Variants in SLC14A2 observed in about 807,000 individuals in gnomAD.
SLC14A2 encodes urea transporter 2.
SLC14A2 carries 91 observed loss-of-function variants against 104.6 expected under a neutral mutation model. That is an observed-to-expected ratio of 0.87 (90% CI 0.73 to 1.04). SLC14A2 has a LOEUF of 1.04. Among genes scored for constraint, SLC14A2 ranks in the 50% least tolerant of loss-of-function variants. The pLI is 0.00. For synonymous variants in SLC14A2, 476 were observed against 466.4 expected, an observed-to-expected ratio of 1.02 and a Z score of -0.27; for missense variants, 1,189 against 1,156.0, an observed-to-expected ratio of 1.03 and a Z score of -0.41.
At chr18:45,674,255 T>A (rs1331262760) in intron 18 of SLC14A2, among the ~76,000 whole-genome samples, 1 of 152,224 alleles carries the variant, frequency 6.6e-6, no homozygotes, top group Non-Finnish European at 1.5e-5. Flanking sequence ...TATTTCTTGA[T>A]GTTATATGAC....
intron 2 of SLC14A2, chr18:45,528,893 A>G (rs2054617002): frequency 6.6e-6 from 1 of 152,232 alleles, no homozygotes; most frequent in South Asian, 2.1e-4. Context: ...TGTATGGTAA[A>G]CATGGCACTG....
intron 1 of SLC14A2, among the ~76,000 whole-genome samples, chr18:45,279,135 A>ATCT (rs2084735067): frequency 1.3e-5 from 2 of 152,338 alleles, no homozygotes; most frequent in Admixed American, 1.3e-4. Flanking sequence ...CTCAGCAGAC[A>ATCT]ACTACTGACT....
chr18:45,428,419 G>T (rs534451984), intron 1 of SLC14A2, among the ~76,000 whole-genome samples: 2 of 152,280 alleles, frequency 1.3e-5, no homozygotes, highest in East Asian at 3.9e-4. Flanking sequence ...AACCTGTTTT[G>T]CAGGATTGTA....
intron 1 of SLC14A2, among the ~76,000 whole-genome samples, chr18:45,431,053 A>G (rs1372926120): frequency 6.6e-6 from 1 of 152,182 alleles, no homozygotes; most frequent in Non-Finnish European, 1.5e-5. Flanking sequence ...ATCTTATATA[A>G]TCTACTTTAG....
At chr18:45,390,530 G>T (rs532839405) in intron 1 of SLC14A2, among the ~76,000 whole-genome samples, 1 of 152,232 alleles carries the variant, frequency 6.6e-6, no homozygotes, top group African/African-American at 2.4e-5. Context: ...ACCAGATATT[G>T]TTCTGCTAGT....
intron 2 of SLC14A2, among the ~76,000 whole-genome samples, chr18:45,586,425 TG>T (rs1208731282): frequency 2.6e-5 from 4 of 152,250 alleles, no homozygotes; most frequent in Non-Finnish European, 5.9e-5. Flanking sequence ...GCCTTGGCAC[TG>T]ATTGGGATTT....
chr18:45,574,804 A>G lies in SLC14A2; in HGVS notation c.-34-49827A>G, dbSNP rs142409062. Among the ~76,000 whole-genome samples the G allele has an allele frequency of 2.1e-3, 326 of 152,334 alleles. 1 individual carries two copies. The highest frequency in any genetic ancestry group is 3.8e-3 in the Non-Finnish European group (258 of 68,030). ...TAGCAAAGCTGGAGGCCTCTGGCCT[A>G]TACCTCTCCTCTCTTCCCACGCTTG... On this transcript the variant is annotated intron_variant, in intron 2 of 20. Coordinates refer to the SLC14A2 transcript ENST00000586448.
At chr18:45,213,671 A>G (rs2083981789) in intron 1 of SLC14A2, among the ~76,000 whole-genome samples, 2 of 152,318 alleles carry the variant, frequency 1.3e-5, no homozygotes, top group Middle Eastern at 3.4e-3. Flanking sequence ...ACTGGTTTAA[A>G]TCTTATTGAT....
chr18:45,324,255 A>AT (rs2085212829), intron 1 of SLC14A2, among the ~76,000 whole-genome samples: 1 of 152,070 alleles, frequency 6.6e-6, no homozygotes. Context: ...TTCTCCAGGC[A>AT]TTTTTTTAAA....
Position 45,385,284 on chromosome 18 carries a change from C to T in SLC14A2, c.-124-97949C>T, listed in dbSNP as rs552896524. Among the ~76,000 whole-genome samples, 77 of 152,334 alleles carry T rather than the reference C, an allele frequency of 5.1e-4. 1 individual carries two copies. The highest frequency in any genetic ancestry group is 1.7e-3 in the African/African-American group (70 of 41,572). ...TACCAAATTCCCTGCAGGTTGATAA[C>T]GCTTTCGAGTGTGCAGGAATCACAG... On this transcript the variant is annotated intron_variant, in intron 1 of 20. Transcript: ENST00000586448.
rs891448477 is a variant in SLC14A2 at position 45,396,617 on chromosome 18, G to GT, written c.-124-86607dup. On this transcript the variant is annotated intron_variant, in intron 1 of 20. Coordinates refer to the SLC14A2 transcript ENST00000586448. ...TGAATACAGCTTGGGAGTCAACCTG[G>GT]TTTTTTTTTGTTTTTGTTTTTTTTC... 3.5e-4 allele frequency among the ~76,000 whole-genome samples: 48 copies of GT among 135,326 alleles called. 1 individual carries two copies. The South Asian group carries it at 4.8e-3, about 14-fold the overall frequency. 88.8% of individuals were successfully genotyped at this position (135,326 alleles called of 152,430 possible).
chr18:45,643,751 A>G (rs1045010067), intron 9 of SLC14A2, among the ~76,000 whole-genome samples: 1 of 152,114 alleles, frequency 6.6e-6, no homozygotes, highest in African/African-American at 2.4e-5. Context: ...GTCTGGGCTC[A>G]AGTGATCCTC....
chr18:45,288,537 G>A (rs777424113), intron 1 of SLC14A2, among the ~76,000 whole-genome samples: 1 of 152,130 alleles, frequency 6.6e-6, no homozygotes, highest in African/African-American at 2.4e-5. Context: ...TGGGACAAGC[G>A]TGAATATGCT....
At chr18:45,607,044 C>T (rs929550589) in intron 2 of SLC14A2, among the ~76,000 whole-genome samples, 6 of 152,024 alleles carry the variant, frequency 3.9e-5, no homozygotes, top group African/African-American at 9.7e-5. Context: ...TGGAACACTT[C>T]GACTGTTTTA....
At chr18:45,667,809 C>T in intron 13 of SLC14A2, 24 bp from the exon 14 acceptor site, 4 of 1,607,740 alleles carry the variant, frequency 2.5e-6, no homozygotes, top group Non-Finnish European at 3.4e-6. Flanking sequence ...CACTTGCCTA[C>T]TTCCTGCCCC....
chr18:45,527,233 A>G (rs2043606139), intron 2 of SLC14A2, among the ~76,000 whole-genome samples: 1 of 152,214 alleles, frequency 6.6e-6, no homozygotes, highest in African/African-American at 2.4e-5. Context: ...AGATTTATCA[A>G]GGTTCTGTTG....
chr18:45,281,827 AG>A (rs1288844839), intron 1 of SLC14A2, among the ~76,000 whole-genome samples: 1 of 152,180 alleles, frequency 6.6e-6, no homozygotes, highest in African/African-American at 2.4e-5. Flanking sequence ...ACTGCCATGC[AG>A]CTGAGAGTGT....
chr18:45,503,699 G>A lies in SLC14A2; in HGVS notation c.-35+20377G>A, dbSNP rs189805223. ...CAGAGGTGGGCAGACCCTATTGATAGTAGAGAGACTGGTGCCCCTCTCTTC... is the reference window on the plus strand; with the variant it reads ...CAGAGGTGGGCAGACCCTATTGATAATAGAGAGACTGGTGCCCCTCTCTTC... On this transcript the variant is annotated intron_variant, in intron 2 of 20. Coordinates refer to the SLC14A2 transcript ENST00000586448. 3.9e-5 allele frequency among the ~76,000 whole-genome samples: 6 copies of A among 152,312 alleles called. No individual in the cohort carries two copies. The East Asian group carries it at 7.7e-4, about 20-fold the overall frequency.
chr18:45,673,374 C>T (rs995804023), intron 17 of SLC14A2, among the ~76,000 whole-genome samples: 2 of 152,144 alleles, frequency 1.3e-5, no homozygotes, highest in African/African-American at 4.8e-5. Flanking sequence ...ATTAAGGTAT[C>T]GATGAAGGAG....
Sources: gnomAD v4.1 joint callset for allele counts (sites outside exome capture counted in the v4.1 genomes callset) on GRCh38, gnomAD v4.1.1 for gene constraint, MANE v1.5 for transcripts, NCBI Gene and HGNC (gene_info 2026-07-23, HGNC 2026-07-21) for gene names.